Variants in SET observed in about 807,000 individuals in gnomAD.
SET encodes the protein protein SET.
In SET, 4 loss-of-function variants were observed where a neutral mutation model predicts 39.0. The ratio of observed to expected loss-of-function variants is 0.10; its 90% CI spans 0.05 to 0.23. SET has a LOEUF of 0.23. Among genes scored for constraint, SET ranks in the 10% least tolerant of loss-of-function variants. SET has a pLI of 1.00. For missense variants in SET, 137 were observed against 329.7 expected, an observed-to-expected ratio of 0.42 and a Z score of 4.53; for synonymous variants, 114 against 115.9, an observed-to-expected ratio of 0.98 and a Z score of 0.11.
Position 128,692,613 on chromosome 9 carries a change from T to A in SET, c.275-49T>A, listed in dbSNP as rs1255654899. On this transcript the variant is annotated intron_variant, in intron 3 of 7. Transcript: ENST00000322030. ...TTAAAGGGATCACTTAAATTGTTGT[T>A]AGTGTGTGCCTGTTGAAAATTCAGC... is the stretch of plus-strand genomic sequence containing the variant. 3 of 1,211,036 alleles carry A rather than the reference T, an allele frequency of 2.5e-6. No homozygotes were observed. The Admixed American group carries it at 5.2e-5, about 21-fold the overall frequency. The allele number at this position is 1,211,036 out of a possible 1,614,324, so 75.0% of individuals were successfully genotyped here.
chr9:128,685,995 C>T (rs1204125810), upstream of SET, among the ~76,000 whole-genome samples: 1 of 151,738 alleles, frequency 6.6e-6, no homozygotes. Context: ...CCATTGCACT[C>T]CAGCCTGGGC....
intron 7 of SET, among the ~76,000 whole-genome samples, 196 bp downstream of exon 7, chr9:128,694,238 GGTTTTTTTTT>G (rs1564362308): frequency 2.1e-5 from 3 of 142,680 alleles, no homozygotes; most frequent in Admixed American, 7.1e-5. Flanking sequence ...GGTTTTTTTT[GGTTTTTTTTT>G]GGGTTTTTTT....
chr9:128,694,149 T>C lies in SET; in HGVS notation c.810+107T>C, dbSNP rs1485829035. 3.8e-6 allele frequency: 4 copies of C among 1,046,256 alleles called. No homozygotes were observed. In the African/African-American group the frequency reaches 4.9e-5, roughly 13 times the overall value. The allele number at this position is 1,046,256 out of a possible 1,614,324, so 64.8% of individuals were successfully genotyped here. ...TGTGGTAGAACTGACCAGAACTGAT[T>C]GTGGAAAAAAAGTAAGCCATTTTGT... On this transcript the variant is annotated intron_variant, in intron 7 of 7. Transcript: ENST00000322030.
In SET at chr9:128,689,541, C is replaced by G; in HGVS notation, c.-42C>G. The G allele has an allele frequency of 2.7e-6, 3 of 1,112,308 alleles. No individual in the cohort carries two copies. The highest frequency in any genetic ancestry group is 3.3e-5 in the Admixed American group (1 of 30,742). The allele number at this position is 1,112,308 out of a possible 1,614,324, so 68.9% of individuals were successfully genotyped here. Reference sequence around the variant, plus strand: ...TTGCCCGCCCCCTTCGCCTTCCCTTCTCTCCCCCTCCCCGCTCCCCCCCCG... The same window carrying G: ...TTGCCCGCCCCCTTCGCCTTCCCTTGTCTCCCCCTCCCCGCTCCCCCCCCG... On this transcript the variant is annotated 5_prime_UTR_variant, in exon 1 of 8. Transcript: ENST00000322030.
At chr9:128,685,616 CG>C (rs1438635136), upstream of SET, among the ~76,000 whole-genome samples, 1 of 152,112 alleles carries the variant, frequency 6.6e-6, no homozygotes, top group African/African-American at 2.4e-5. Flanking sequence ...GTGTCTGTGG[CG>C]GGGGAGATGT....
chr9:128,689,512 C>A lies in SET; in HGVS notation c.-71C>A. 1 of 741,672 alleles carries A rather than the reference C, an allele frequency of 1.3e-6. No homozygotes were observed. The allele number at this position is 741,672 out of a possible 1,614,324, so 45.9% of individuals were successfully genotyped here. A position where few individuals can be genotyped will look rare whatever the true frequency, so the allele number is the denominator to read the frequency against. ...CCCGCGCGTGTGGCGTGAGGGGAAGCCGCTTGCCCGCCCCCTTCGCCTTCC... is the reference window on the plus strand; with the variant it reads ...CCCGCGCGTGTGGCGTGAGGGGAAGACGCTTGCCCGCCCCCTTCGCCTTCC... On this transcript the variant is annotated 5_prime_UTR_variant, in exon 1 of 8. Coordinates refer to ENST00000322030, the MANE Select transcript of SET (RefSeq NM_003011.4).
At chr9:128,685,592 A>G (rs1861255483), upstream of SET, among the ~76,000 whole-genome samples, 1 of 152,200 alleles carries the variant, frequency 6.6e-6, no homozygotes. Flanking sequence ...CAGGAGGCTC[A>G]AAGAGATGTG....
Position 128,693,741 on chromosome 9 carries a change from C to A in SET, c.596C>A (p.Ala199Glu). ...ACCTGGTTTACTGACCATTCTGATGCAGGTGCTGATGAGTTAGGAGAGGTC... is the reference window on the plus strand; with the variant it reads ...ACCTGGTTTACTGACCATTCTGATGAAGGTGCTGATGAGTTAGGAGAGGTC... The part of the protein sequence containing the change: ...FFTWFTDHSD[A>E]GADELGEVIK... Residue 199 changes from alanine (A) to glutamate (E), a missense_variant, in exon 6 of 8, where the codon GCA becomes GAA. Transcript: ENST00000322030. 1 of 1,613,734 alleles carries A rather than the reference C, an allele frequency of 6.2e-7. No homozygotes were observed. Among genetic ancestry groups the A allele is most frequent in the South Asian group, 1.1e-5 (1 of 91,066 alleles).
At chr9:128,686,445 A>C (rs1302646607), upstream of SET, among the ~76,000 whole-genome samples, 1 of 152,148 alleles carries the variant, frequency 6.6e-6, no homozygotes, top group Non-Finnish European at 1.5e-5. Context: ...CTTAGGAGAC[A>C]TTGTGGGTCA....
At chr9:128,690,070 C>A (rs1336122417) in intron 1 of SET, 8 of 796,672 alleles carry the variant, frequency 1.0e-5, no homozygotes, top group Non-Finnish European at 1.2e-5. Context: ...CGCGCGGTTC[C>A]GCTTCGCGCC....
In SET at chr9:128,692,776, C is replaced by CT; in HGVS notation, c.378+12dup. 6.4e-7 allele frequency: 1 copy of CT among 1,570,732 alleles called. No individual in the cohort carries two copies. The highest frequency in any genetic ancestry group is 8.8e-7 in the Non-Finnish European group (1 of 1,140,606). On this transcript the variant is annotated intron_variant, in intron 4 of 7. Transcript: ENST00000322030. Reference sequence around the variant, plus strand: ...TACAGAATAGATTTTGTAAGTATCTCTAACTTAATCTTGTTTGCCACTGTG... The same window carrying CT: ...TACAGAATAGATTTTGTAAGTATCTCTTAACTTAATCTTGTTTGCCACTGTG...
chr9:128,694,548 GC>G (rs938096984), intron 7 of SET, 92 bp from the exon 8 acceptor site: 158 of 748,242 alleles, frequency 2.1e-4, no homozygotes, highest in Non-Finnish European at 1.5e-4. Context: ...AAACTGGAGT[GC>G]CCCCAGGGGC....
In SET at chr9:128,695,806, A is replaced by G. The variant is rs1243211772; in HGVS notation, c.*1142A>G. ...AGATAGCTCAATACTCTCTGAGTAC[A>G]TTGTGCCCTTGATTTTTATCTCCAA... On this transcript the variant is annotated 3_prime_UTR_variant, in exon 8 of 8. Transcript: ENST00000322030. 3 of 228,190 alleles carry G rather than the reference A, an allele frequency of 1.3e-5. No homozygotes were observed. The highest frequency in any genetic ancestry group is 2.2e-5 in the African/African-American group (1 of 45,152). The allele number at this position is 228,190 out of a possible 1,614,324, so 14.1% of individuals were successfully genotyped here.
At chr9:128,689,160 G>C (rs1861394769), upstream of SET, 2 of 600,524 alleles carry the variant, frequency 3.3e-6, no homozygotes, top group Non-Finnish European at 4.2e-6. Flanking sequence ...CGCGGCGCGA[G>C]CCTCCCCGGC....
Position 128,689,374 on chromosome 9 carries a change from A to G in SET, c.-209A>G. On this transcript the variant is annotated 5_prime_UTR_variant, in exon 1 of 8. Transcript: ENST00000322030. ...ACAGGAGCCCGGGCCGGGGCCCGGC[A>G]CGCCGCCCCAGCCCGTCCCTCGGCG... 1.0e-6 allele frequency: 1 copy of G among 962,918 alleles called. No homozygotes were observed. The highest frequency in any genetic ancestry group is 1.3e-6 in the Non-Finnish European group (1 of 796,814). 59.6% of individuals were successfully genotyped at this position (962,918 alleles called of 1,614,324 possible).
chr9:128,690,913 T>G (rs1046440425), intron 1 of SET, among the ~76,000 whole-genome samples: 8 of 152,336 alleles, frequency 5.3e-5, no homozygotes, highest in Admixed American at 3.9e-4. Flanking sequence ...ATGATCGGTC[T>G]GTTGTAGTGA....
intron 2 of SET, among the ~76,000 whole-genome samples, 181 bp downstream of exon 2, chr9:128,691,408 G>C (rs1861531384): frequency 6.6e-6 from 1 of 152,210 alleles, no homozygotes; most frequent in Non-Finnish European, 1.5e-5. Flanking sequence ...GTTTTTGAAA[G>C]TGCATTGACC....
Position 128,694,633 on chromosome 9 carries a change from T to A in SET, c.811-8T>A. 1 of 1,576,786 alleles carries A rather than the reference T, an allele frequency of 6.3e-7. No individual in the cohort carries two copies. The highest frequency in any genetic ancestry group is 8.6e-7 in the Non-Finnish European group (1 of 1,157,840). On this transcript the variant is annotated splice_region_variant and splice_polypyrimidine_tract_variant and intron_variant, in intron 7 of 7. Transcript: ENST00000322030. ...TCCTGAAGATTAACTGCCCACTTTT[T>A]CTTTCAGGAGGATGAAGGAGAAGAT...
At position 128,689,357 on chromosome 9, in the gene SET, C is replaced by T. The variant is rs1320429117; in HGVS notation, c.-226C>T. 3.6e-5 allele frequency: 37 copies of T among 1,036,292 alleles called. No homozygotes were observed. The highest frequency in any genetic ancestry group is 1.1e-4 in the Admixed American group (2 of 17,980). 64.2% of individuals were successfully genotyped at this position (1,036,292 alleles called of 1,614,324 possible). On this transcript the variant is annotated 5_prime_UTR_variant, in exon 1 of 8. Transcript: ENST00000322030. ...CCGCCTCCCCTCCGCGAACAGGAGC[C>T]CGGGCCGGGGCCCGGCACGCCGCCC...
Sources: gnomAD v4.1 joint callset for allele counts (sites outside exome capture counted in the v4.1 genomes callset) on GRCh38, gnomAD v4.1.1 for gene constraint, MANE v1.5 for transcripts, NCBI Gene and HGNC (gene_info 2026-07-23, HGNC 2026-07-21) for gene names.